The following NF1 variants were observed in gnomAD, a reference collection of about 807,000 sequenced individuals.
NF1 encodes the protein neurofibromin.
NF1 carries 122 observed loss-of-function variants against 325.7 expected under a neutral mutation model. The observed-to-expected ratio is 0.37, with a 90% confidence interval of 0.32 to 0.44. The LOEUF is 0.44. Ranked by LOEUF, NF1 falls within the 20% of genes least tolerant of loss-of-function variation. The pLI, the probability that NF1 is intolerant of heterozygous loss-of-function variation, is 1.00. For synonymous variants in NF1, 1,091 were observed against 1,186.0 expected, an observed-to-expected ratio of 0.92 and a Z score of 1.65; for missense variants, 2,140 against 3,415.4, an observed-to-expected ratio of 0.63 and a Z score of 9.31.
At chr17:31,225,339 A>G (rs2066995263) in intron 17 of NF1, 89 bp downstream of exon 17, 1 of 1,426,272 alleles carries the variant, frequency 7.0e-7, no homozygotes, top group African/African-American at 1.4e-5. Context: ...TAGGTAATAT[A>G]GTGTAATAGT....
At chr17:31,246,475 T>G (rs1446792435) in intron 29 of NF1, among the ~76,000 whole-genome samples, 1 of 152,250 alleles carries the variant, frequency 6.6e-6, no homozygotes, top group East Asian at 1.9e-4. Context: ...GAAACAAAAT[T>G]ACTAATTAAC....
rs570619588 is a variant in NF1, at chr17:31,266,002, C to G, written c.4835+663C>G. 1.7e-3 allele frequency among the ~76,000 whole-genome samples: 253 copies of G among 152,160 alleles called. 1 individual carries two copies. Among genetic ancestry groups the G allele is most frequent in the South Asian group, 3.9e-3 (19 of 4,824 alleles). On this transcript the variant is annotated intron_variant, in intron 36 of 57. Coordinates refer to ENST00000358273, the MANE Select transcript of NF1 (RefSeq NM_001042492.3). The stretch of plus-strand genomic sequence containing the variant: ...TTCCTTTTGAAAACTCAATCTGTGA[C>G]GTTATTTGGTCAGTTTTACTTTTTC...
intron 11 of NF1, among the ~76,000 whole-genome samples, chr17:31,203,530 CTT>C (rs1054413944): frequency 3.9e-5 from 6 of 152,016 alleles, no homozygotes; most frequent in Non-Finnish European, 7.4e-5. Flanking sequence ...CTGAAGTACT[CTT>C]TTGGTTGAAA....
Position 31,242,234 on chromosome 17 carries a change from C to G in NF1, c.3974+6213C>G, listed in dbSNP as rs1322370951. Among the ~76,000 whole-genome samples the G allele has an allele frequency of 4.2e-5, 6 of 143,846 alleles. No homozygotes were observed. The East Asian group carries it at 1.2e-3, about 30-fold the overall frequency. The allele number at this position is 143,846 out of a possible 152,430, so 94.4% of individuals were successfully genotyped here. ...TGAGTTAATCTTCTTTGGTTTAAATCTGTTTGGTGTTCTGTAACCTTCCTG... is the reference window on the plus strand; with the variant it reads ...TGAGTTAATCTTCTTTGGTTTAAATGTGTTTGGTGTTCTGTAACCTTCCTG... On this transcript the variant is annotated intron_variant, in intron 29 of 57. Coordinates refer to ENST00000358273, the MANE Select transcript of NF1 (RefSeq NM_001042492.3).
At chr17:31,209,777 C>T (rs894038913) in intron 12 of NF1, among the ~76,000 whole-genome samples, 2 of 152,064 alleles carry the variant, frequency 1.3e-5, no homozygotes, top group Non-Finnish European at 2.9e-5. Flanking sequence ...TTTAGCCTCC[C>T]GACTAGCTGG....
At chr17:31,313,090 T>C (rs2068922203) in intron 36 of NF1, among the ~76,000 whole-genome samples, 1 of 152,156 alleles carries the variant, frequency 6.6e-6, no homozygotes, top group African/African-American at 2.4e-5. Context: ...ATGTCATCAT[T>C]ATTAAATATA....
intron 38 of NF1, among the ~76,000 whole-genome samples, chr17:31,329,006 T>G (rs1172656027): frequency 6.6e-6 from 1 of 152,028 alleles, no homozygotes; most frequent in African/African-American, 2.4e-5. Flanking sequence ...TTCCTGGGAA[T>G]TAGTAAAAGA....
In NF1 at chr17:31,318,553, A is replaced by G. The variant is rs748920561; in HGVS notation, c.4836-7267A>G. 40 of 1,614,026 alleles carry G rather than the reference A, an allele frequency of 2.5e-5. No homozygotes were observed. The East Asian group carries it at 2.9e-4, about 12-fold the overall frequency. On this transcript the variant is annotated intron_variant, in intron 36 of 57. Transcript: ENST00000358273. ...TTTGTTTGCCAAAACCACAGTTGAT[A>G]GAAATAGAAAGGTACAGATAAGAAA... is the stretch of plus-strand genomic sequence containing the variant.
chr17:31,156,018 C>A lies in NF1; in HGVS notation c.96C>A (p.Thr32=), dbSNP rs1555604886. ...PIKTGQQNTH[T]KVSTEHNKEC... is the part of the protein sequence containing the mutation. The stretch of plus-strand genomic sequence containing the variant: ...AAACAGGACAGCAGAACACACATAC[C>A]AAAGTCAGTACTGAGCACAACAAGG... The change falls in exon 2 of 58, where the codon ACC becomes ACA. Residue 32 remains threonine, a synonymous_variant. Transcript: ENST00000358273. The A allele has an allele frequency of 1.2e-6, 2 of 1,613,264 alleles. No individual in the cohort carries two copies. Among genetic ancestry groups the A allele is most frequent in the Middle Eastern group, 1.7e-4 (1 of 6,056 alleles).
intron 36 of NF1, among the ~76,000 whole-genome samples, chr17:31,279,715 C>G (rs974477267): frequency 5.9e-5 from 9 of 152,034 alleles, no homozygotes; most frequent in African/African-American, 2.2e-4. Context: ...AAGCATGATT[C>G]TCTTCAATAG....
At chr17:31,144,824 G>A (rs1260647237) in intron 1 of NF1, among the ~76,000 whole-genome samples, 1 of 152,160 alleles carries the variant, frequency 6.6e-6, no homozygotes, top group Non-Finnish European at 1.5e-5. Context: ...AATAGTCACT[G>A]GACCTGCTAG....
At chr17:31,275,055 G>C (rs759309356) in intron 36 of NF1, among the ~76,000 whole-genome samples, 3 of 152,068 alleles carry the variant, frequency 2.0e-5, no homozygotes, top group Non-Finnish European at 2.9e-5. Flanking sequence ...TGATGATTAA[G>C]TAAAATTTAA....
intron 36 of NF1, chr17:31,320,277 G>T (rs1277476650): frequency 3.3e-6 from 3 of 902,868 alleles, no homozygotes; most frequent in Non-Finnish European, 4.7e-6. Context: ...AAATGAAATT[G>T]CCTGGTTAAG....
At chr17:31,354,417 T>C (rs2070223269) in intron 51 of NF1, among the ~76,000 whole-genome samples, 1 of 151,740 alleles carries the variant, frequency 6.6e-6, no homozygotes, top group Admixed American at 6.6e-5. Context: ...CATGGCATCA[T>C]GGGGAATGGG....
rs1482695206 is a variant in NF1, at chr17:31,227,350, C to T, written c.2325+59C>T. ...GCGCCCACCCTCAATTTGGAAGCCTCTTGTTACATATGTGTGATCAGGAAT... is the reference window on the plus strand; with the variant it reads ...GCGCCCACCCTCAATTTGGAAGCCTTTTGTTACATATGTGTGATCAGGAAT... On this transcript the variant is annotated intron_variant, in intron 19 of 57. Coordinates refer to ENST00000358273, the MANE Select transcript of NF1 (RefSeq NM_001042492.3). 3 of 1,555,018 alleles carry T rather than the reference C, an allele frequency of 1.9e-6. No homozygotes were observed. In the South Asian group the frequency reaches 3.3e-5, roughly 17 times the overall value.
Position 31,232,068 on chromosome 17 carries a change from T to TTC in NF1, c.3198-4_3198-3dup, listed in dbSNP as rs1555614809. 7.1e-7 allele frequency: 1 copy of TTC among 1,405,698 alleles called. No individual in the cohort carries two copies. The highest frequency in any genetic ancestry group is 1.5e-5 in the African/African-American group (1 of 65,532). The allele number at this position is 1,405,698 out of a possible 1,614,324, so 87.1% of individuals were successfully genotyped here. A position where few individuals can be genotyped will look rare whatever the true frequency, so the allele number is the denominator to read the frequency against. On this transcript the variant is annotated splice_region_variant and splice_polypyrimidine_tract_variant and intron_variant, in intron 24 of 57. Transcript: ENST00000358273. Reference sequence around the variant, plus strand: ...ATTTTTTTTTTTTTTTTTTTTTTTTTTCAGAGATTTGGACCAGGCAAGCAT... The same window carrying TTC: ...ATTTTTTTTTTTTTTTTTTTTTTTTTTCTCAGAGATTTGGACCAGGCAAGCAT...
At chr17:31,332,461 C>T (rs2069526271) in intron 39 of NF1, among the ~76,000 whole-genome samples, 1 of 151,684 alleles carries the variant, frequency 6.6e-6, no homozygotes, top group South Asian at 2.1e-4. Flanking sequence ...GAGACTCTGT[C>T]TCAAAATAAA....
intron 16 of NF1, among the ~76,000 whole-genome samples, chr17:31,224,203 T>C (rs543676683): frequency 2.0e-5 from 3 of 152,200 alleles, no homozygotes; most frequent in Non-Finnish European, 1.5e-5. Flanking sequence ...GTGAAATGTT[T>C]TGATTCTGAA....
At chr17:31,164,514 G>C (rs1187956372) in intron 4 of NF1, among the ~76,000 whole-genome samples, 2 of 152,204 alleles carry the variant, frequency 1.3e-5, no homozygotes, top group African/African-American at 2.4e-5. Flanking sequence ...GTGAATCGAA[G>C]ACTAATACCG....
Sources: allele counts gnomAD v4.1 joint callset (sites outside exome capture counted in the v4.1 genomes callset), GRCh38; gene constraint gnomAD v4.1.1; transcripts MANE v1.5; gene names NCBI Gene and HGNC (gene_info 2026-07-23, HGNC 2026-07-21).